Variants in HMCN1 observed in about 807,000 individuals in gnomAD.
HMCN1 encodes hemicentin-1.
HMCN1 carries 321 observed loss-of-function variants against 625.9 expected under a neutral mutation model. That is an observed-to-expected ratio of 0.51 (90% CI 0.47 to 0.56). HMCN1 has a LOEUF of 0.56. HMCN1 is among the 20% of genes least tolerant of loss of function. The pLI, the probability that HMCN1 is intolerant of heterozygous loss-of-function variation, is 0.00. For synonymous variants in HMCN1, 2,425 were observed against 2,417.6 expected (o/e 1.00, Z -0.09); for missense variants, 6,588 against 6,887.3 (o/e 0.96, Z 1.54).
intron 1 of HMCN1, among the ~76,000 whole-genome samples, chr1:185,838,086 T>C (rs1661277787): frequency 6.6e-6 from 1 of 152,140 alleles, no homozygotes; most frequent in Non-Finnish European, 1.5e-5. Context: ...CAGACCCACG[T>C]GGGCATCAGA....
intron 40 of HMCN1, among the ~76,000 whole-genome samples, chr1:186,044,129 A>G (rs1357331532): frequency 6.6e-6 from 1 of 152,132 alleles, no homozygotes; most frequent in Non-Finnish European, 1.5e-5. Context: ...TCACTTTGCT[A>G]TTTTTATAGT....
intron 4 of HMCN1, among the ~76,000 whole-genome samples, chr1:185,866,447 T>C (rs1242984527): frequency 2.2e-5 from 3 of 138,886 alleles, no homozygotes; most frequent in African/African-American, 5.4e-5. Flanking sequence ...CTCTGTCACC[T>C]AGGCTGGAGT....
intron 11 of HMCN1, among the ~76,000 whole-genome samples, chr1:185,945,694 C>T (rs2102520169): frequency 6.6e-6 from 1 of 152,226 alleles, no homozygotes; most frequent in East Asian, 1.9e-4. Flanking sequence ...GAAGTCTTTG[C>T]TAGGAAGAAG....
chr1:186,033,260 A>G (rs1385451024), intron 36 of HMCN1, among the ~76,000 whole-genome samples: 1 of 152,206 alleles, frequency 6.6e-6, no homozygotes, highest in Non-Finnish European at 1.5e-5. Context: ...ATGCAAAGGC[A>G]TAAGAATGAT....
chr1:186,030,027 A>G (rs1434097188), intron 36 of HMCN1, among the ~76,000 whole-genome samples: 1 of 151,964 alleles, frequency 6.6e-6, no homozygotes, highest in Non-Finnish European at 1.5e-5. Flanking sequence ...AAGTTCCCAA[A>G]TTTTCTTTCA....
chr1:185,879,259 C>T (rs1664143095), intron 4 of HMCN1, among the ~76,000 whole-genome samples: 1 of 152,158 alleles, frequency 6.6e-6, no homozygotes, highest in South Asian at 2.1e-4. Flanking sequence ...CAGCCTCGAC[C>T]TTCCAGGCCC....
chr1:185,976,015 T>G (rs918192582), intron 15 of HMCN1, among the ~76,000 whole-genome samples: 1 of 152,176 alleles, frequency 6.6e-6, no homozygotes, highest in Non-Finnish European at 1.5e-5. Flanking sequence ...TGTTAGCTGC[T>G]GTAAAAGATA....
chr1:185,872,665 G>T (rs1223345674), intron 4 of HMCN1, among the ~76,000 whole-genome samples: 2 of 152,084 alleles, frequency 1.3e-5, no homozygotes, highest in African/African-American at 2.4e-5. Flanking sequence ...GACCAGATAT[G>T]GGATGGGAAG....
chr1:185,906,174 T>G (rs913706753), intron 4 of HMCN1, among the ~76,000 whole-genome samples: 2 of 151,852 alleles, frequency 1.3e-5, no homozygotes, highest in Admixed American at 1.3e-4. Flanking sequence ...GAAACTGCAC[T>G]TATGGTACAT....
At chr1:186,100,823 T>G (rs188792672) in intron 68 of HMCN1, among the ~76,000 whole-genome samples, 1 of 152,288 alleles carries the variant, frequency 6.6e-6, no homozygotes, top group Admixed American at 6.5e-5. Flanking sequence ...TCAGTTCTTT[T>G]GAACCTTTAC....
chr1:185,916,409 G>A (rs73062166), intron 6 of HMCN1, among the ~76,000 whole-genome samples: 8,267 of 152,092 alleles, frequency 0.054, 730 homozygotes, highest in African/African-American at 0.18. Context: ...GAAAATAGTG[G>A]CTACCCAATA....
chr1:185,865,852 C>T lies in HMCN1; in HGVS notation c.610C>T (p.Gln204Ter). The T allele has an allele frequency of 6.2e-7, 1 of 1,613,078 alleles. No individual in the cohort carries two copies. The highest frequency in any genetic ancestry group is 8.5e-7 in the Non-Finnish European group (1 of 1,179,614). Residue 204 changes from glutamine (Q) to a stop codon, truncating the protein, a stop_gained, in exon 4 of 107, where the codon CAA becomes TAA. Coordinates refer to ENST00000271588, the MANE Select transcript of HMCN1 (RefSeq NM_031935.3). LOFTEE classifies it high-confidence loss of function. ...SGQVFHLDKK[Q>*]VNEVLKWVEE... is the part of the protein sequence containing the mutation. ...TCAAGTGTTCCATCTGGACAAAAAA[C>T]AAGTTAATGAGGTCAGTTTAATAAA...
At chr1:186,116,772 A>G (rs902315973) in intron 75 of HMCN1, among the ~76,000 whole-genome samples, 1 of 152,114 alleles carries the variant, frequency 6.6e-6, no homozygotes, top group Non-Finnish European at 1.5e-5. Flanking sequence ...TCCCACAATT[A>G]CTTCCTGTAA....
In HMCN1 at chr1:186,108,602, A is replaced by AT; in HGVS notation, c.10989+11dup. ...AGAAATGGAGAACGGTTACAGGTAA[A>AT]TTTTTTGATAAGCTCCACAAATTCC... On this transcript the variant is annotated splice_donor_region_variant and intron_variant, in intron 71 of 106. Transcript: ENST00000271588. 1 of 1,614,066 alleles carries AT rather than the reference A, an allele frequency of 6.2e-7. No individual in the cohort carries two copies. The highest frequency in any genetic ancestry group is 2.2e-5 in the East Asian group (1 of 44,862).
chr1:186,173,933 G>A (rs968442874), intron 102 of HMCN1, among the ~76,000 whole-genome samples: 1 of 152,188 alleles, frequency 6.6e-6, no homozygotes, highest in Non-Finnish European at 1.5e-5. Context: ...TTTGTATATA[G>A]CAAATGTTCA....
intron 97 of HMCN1, 21 bp from the exon 98 acceptor site, chr1:186,165,090 T>C (rs1651794069): frequency 3.1e-6 from 5 of 1,612,114 alleles, no homozygotes; most frequent in Non-Finnish European, 4.2e-6. Flanking sequence ...CCAGTTAACT[T>C]TGCTTTCCTC....
Position 185,897,399 on chromosome 1 carries a change from A to G in HMCN1, c.622-11938A>G, listed in dbSNP as rs74134358. Among the ~76,000 whole-genome samples, 1,159 of 152,288 alleles carry G rather than the reference A, an allele frequency of 7.6e-3. 14 individuals are homozygous for G. Among genetic ancestry groups the G allele is most frequent in the African/African-American group, 0.025 (1,041 of 41,566 alleles). On this transcript the variant is annotated intron_variant, in intron 4 of 106. Transcript: ENST00000271588. ...TTTCTGAACTCCTTCAGTGACTTCC[A>G]TAGATCTTCAGGGTAAGATCTGCCA...
At chr1:186,167,185 T>C (rs374959326) in intron 100 of HMCN1, among the ~76,000 whole-genome samples, 207 of 152,340 alleles carry the variant, frequency 1.4e-3, no homozygotes, top group African/African-American at 4.8e-3. Flanking sequence ...ACAGCTATTT[T>C]AAATATGTAT....
Position 185,989,152 on chromosome 1 carries a change from T to C in HMCN1, c.3049-336T>C, listed in dbSNP as rs528961308. Among the ~76,000 whole-genome samples, 564 of 151,766 alleles carry C rather than the reference T, an allele frequency of 3.7e-3. 1 individual carries two copies. Among genetic ancestry groups the C allele is most frequent in the African/African-American group, 0.012 (517 of 41,362 alleles). On this transcript the variant is annotated intron_variant, in intron 20 of 106. Transcript: ENST00000271588. ...CCTCCCGAGTAGCTGGGACTACAGGTGCCTGCCACCTCGCCCGGCTAATTT... is the reference window on the plus strand; with the variant it reads ...CCTCCCGAGTAGCTGGGACTACAGGCGCCTGCCACCTCGCCCGGCTAATTT...
Sources: allele counts gnomAD v4.1 joint callset (sites outside exome capture counted in the v4.1 genomes callset), GRCh38; gene constraint gnomAD v4.1.1; transcripts MANE v1.5; gene names NCBI Gene and HGNC (gene_info 2026-07-23, HGNC 2026-07-21).